The following RABGEF1 variants were observed in gnomAD, a reference collection of about 807,000 sequenced individuals.
The protein encoded by RABGEF1 is rab5 GDP/GTP exchange factor.
RABGEF1 carries 26 observed loss-of-function variants against 57.3 expected under a neutral mutation model. The observed-to-expected ratio is 0.45, with a 90% CI of 0.33 to 0.63. RABGEF1 has a LOEUF of 0.63. RABGEF1 is among the 20% of genes least tolerant of loss of function. The probability of loss-of-function intolerance (pLI) is 0.02; values close to 1 mark genes in which losing one functional copy is unlikely to be tolerated. For missense variants in RABGEF1, 464 were observed against 607.6 expected, an observed-to-expected ratio of 0.76 and a Z score of 2.48; for synonymous variants, 185 against 210.7, an observed-to-expected ratio of 0.88 and a Z score of 1.06.
At chr7:66,765,125 A>G (rs1035437757) in intron 1 of RABGEF1, among the ~76,000 whole-genome samples, 6 of 151,776 alleles carry the variant, frequency 4.0e-5, no homozygotes, top group South Asian at 2.1e-4. Flanking sequence ...CACAGGTCCT[A>G]TGAGGCTTAG....
At chr7:66,757,260 T>C (rs1306800655) in intron 1 of RABGEF1, among the ~76,000 whole-genome samples, 1 of 152,032 alleles carries the variant, frequency 6.6e-6, no homozygotes, top group African/African-American at 2.4e-5. Flanking sequence ...TGATATCTTT[T>C]TTATACTTTC....
At chr7:66,705,256 G>A (rs1793840237) in intron 1 of RABGEF1, among the ~76,000 whole-genome samples, 1 of 151,944 alleles carries the variant, frequency 6.6e-6, no homozygotes, top group Non-Finnish European at 1.5e-5. Flanking sequence ...CAAAAAATTA[G>A]CTGGGTGTGG....
intron 4 of RABGEF1, among the ~76,000 whole-genome samples, chr7:66,788,635 A>G (rs1314939126): frequency 1.3e-5 from 2 of 152,156 alleles, no homozygotes; most frequent in Non-Finnish European, 2.9e-5. Flanking sequence ...TAAGCACAAC[A>G]TAACACCTTT....
chr7:66,693,390 C>T (rs905032985), intron 1 of RABGEF1, among the ~76,000 whole-genome samples: 4 of 152,338 alleles, frequency 2.6e-5, no homozygotes, highest in East Asian at 1.9e-4. Context: ...CTTCCTTACT[C>T]CCTGGTTTCC....
rs547585888 is a variant in RABGEF1, at chr7:66,775,146, G to A, written c.180-81G>A. The A allele has an allele frequency of 2.2e-4, 316 of 1,433,746 alleles. No individual in the cohort carries two copies. In the African/African-American group the frequency reaches 4.1e-3, roughly 18 times the overall value. The allele number at this position is 1,433,746 out of a possible 1,614,324, so 88.8% of individuals were successfully genotyped here. A position where few individuals can be genotyped will look rare whatever the true frequency, so the allele number is the denominator to read the frequency against. ...AGGTCTAAAATCTTTAGATCCTCCT[G>A]AATTAATGGAGTAATAACCTTCACA... On this transcript the variant is annotated intron_variant, in intron 2 of 8. Transcript: ENST00000284957.
intron 4 of RABGEF1, among the ~76,000 whole-genome samples, chr7:66,794,709 C>T (rs886628662): frequency 1.3e-5 from 2 of 151,998 alleles, no homozygotes; most frequent in African/African-American, 4.8e-5. Flanking sequence ...TCATATTAAG[C>T]GGTTAATGCC....
At chr7:66,730,468 T>C (rs1416658158) in intron 2 of RABGEF1, among the ~76,000 whole-genome samples, 2 of 152,126 alleles carry the variant, frequency 1.3e-5, no homozygotes, top group African/African-American at 4.8e-5. Flanking sequence ...CATAGCTCAC[T>C]GCAGCGTCAA....
chr7:66,781,389 G>A (rs2129137605), intron 3 of RABGEF1, among the ~76,000 whole-genome samples: 1 of 152,166 alleles, frequency 6.6e-6, no homozygotes, highest in East Asian at 1.9e-4. Context: ...TATACTTTAA[G>A]TTCTGGGTTA....
At chr7:66,718,336 G>A (rs930692617) in intron 2 of RABGEF1, among the ~76,000 whole-genome samples, 2 of 152,202 alleles carry the variant, frequency 1.3e-5, no homozygotes, top group Admixed American at 1.3e-4. Flanking sequence ...GACAGAGCAA[G>A]ACTCTGTCTA....
chr7:66,801,782 C>A (rs1247300473), intron 7 of RABGEF1, among the ~76,000 whole-genome samples: 2 of 152,212 alleles, frequency 1.3e-5, no homozygotes, highest in Non-Finnish European at 2.9e-5. Flanking sequence ...TGTTGACAGA[C>A]ACCCTTTCCC....
intron 1 of RABGEF1, among the ~76,000 whole-genome samples, chr7:66,705,915 A>G (rs1794005360): frequency 1.4e-5 from 1 of 73,630 alleles, no homozygotes; most frequent in African/African-American, 5.9e-5. Context: ...TTTTTTTTTG[A>G]GACGGAGTCT....
intron 2 of RABGEF1, 31 bp from the exon 3 acceptor site, chr7:66,775,196 T>G (rs1437353221): frequency 6.3e-7 from 1 of 1,587,356 alleles, no homozygotes; most frequent in African/African-American, 1.4e-5. Flanking sequence ...GGAGAATATC[T>G]AGGTCATTCT....
Position 66,810,477 on chromosome 7 carries a change from C to G in RABGEF1, c.*1193C>G, listed in dbSNP as rs185592345. On this transcript the variant is annotated 3_prime_UTR_variant, in exon 9 of 9. Transcript: ENST00000284957. ...CGTTAAGAACCACTGATGTCTTTTACAAACCAGGAGTTATCCTCCTGGTGG... is the reference window on the plus strand; with the variant it reads ...CGTTAAGAACCACTGATGTCTTTTAGAAACCAGGAGTTATCCTCCTGGTGG... The G allele has an allele frequency of 1.3e-5, 2 of 152,310 alleles. No individual in the cohort carries two copies. Among genetic ancestry groups the G allele is most frequent in the East Asian group, 1.9e-4 (1 of 5,188 alleles). The allele number at this position is 152,310 out of a possible 1,614,324, so 9.4% of individuals were successfully genotyped here.
chr7:66,783,606 A>G (rs1307204041), intron 3 of RABGEF1, 69 bp from the exon 4 acceptor site: 7 of 1,314,852 alleles, frequency 5.3e-6, no homozygotes, highest in South Asian at 5.2e-5. Flanking sequence ...CTTAGGTAAG[A>G]TACTTAAAGT....
chr7:66,719,325 C>T (rs751610619), intron 2 of RABGEF1, among the ~76,000 whole-genome samples: 2 of 152,118 alleles, frequency 1.3e-5, no homozygotes, highest in Non-Finnish European at 2.9e-5. Context: ...TCTTAGCCTC[C>T]TGAGTAGTTG....
At chr7:66,694,558 A>G (rs1792039427) in intron 1 of RABGEF1, among the ~76,000 whole-genome samples, 1 of 152,214 alleles carries the variant, frequency 6.6e-6, no homozygotes, top group Non-Finnish European at 1.5e-5. Flanking sequence ...TTTGCATGAG[A>G]AGGAGTTCAT....
At chr7:66,665,990 T>A in the RABGEF1 span, 2 of 152,826 alleles carry the variant, frequency 1.3e-5, no homozygotes, top group Non-Finnish European at 2.9e-5. Context: ...CCTGCGAGGC[T>A]GAGTGGGAAT....
At chr7:66,735,205 T>C (rs1352005485) in intron 2 of RABGEF1, among the ~76,000 whole-genome samples, 1 of 152,220 alleles carries the variant, frequency 6.6e-6, no homozygotes, top group African/African-American at 2.4e-5. Context: ...TGTTGTGTAG[T>C]GCTTGTGTTA....
intron 1 of RABGEF1, among the ~76,000 whole-genome samples, chr7:66,703,007 G>A (rs1793516074): frequency 6.6e-6 from 1 of 152,094 alleles, no homozygotes; most frequent in South Asian, 2.1e-4. Context: ...GTCTCGCTCT[G>A]TCGCCGCCCA....
Sources: gnomAD v4.1 joint callset for allele counts (sites outside exome capture counted in the v4.1 genomes callset) on GRCh38, gnomAD v4.1.1 for gene constraint, MANE v1.5 for transcripts, NCBI Gene and HGNC (gene_info 2026-07-23, HGNC 2026-07-21) for gene names.